SLC24A4: variants seen among roughly 807,000 people sequenced by gnomAD.
SLC24A4 encodes the protein solute carrier family 24 member 4, also known as sodium/potassium/calcium exchanger 4.
A neutral mutation model predicts 79.0 loss-of-function variants in SLC24A4; 53 were observed. The ratio of observed to expected loss-of-function variants is 0.67; its 90% CI spans 0.54 to 0.84. The LOEUF (loss-of-function observed/expected upper bound fraction) is 0.84. SLC24A4 is among the 40% of genes least tolerant of loss of function. The pLI is 0.00. For synonymous variants in SLC24A4, 323 were observed against 323.8 expected, an observed-to-expected ratio of 1.00 and a Z score of 0.03; for missense variants, 731 against 822.0, an observed-to-expected ratio of 0.89 and a Z score of 1.35.
intron 2 of SLC24A4, among the ~76,000 whole-genome samples, chr14:92,400,544 G>A (rs1379450331): frequency 1.3e-5 from 2 of 151,970 alleles, no homozygotes; most frequent in East Asian, 3.9e-4. Context: ...AAGAAGCTCT[G>A]GACACAGTCG....
At chr14:92,393,800 C>T (rs890202599) in intron 2 of SLC24A4, among the ~76,000 whole-genome samples, 1 of 152,124 alleles carries the variant, frequency 6.6e-6, no homozygotes, top group South Asian at 2.1e-4. Context: ...CACCTGAGGT[C>T]AGGGCTTTGA....
chr14:92,486,389 G>A (rs186155739), intron 13 of SLC24A4, among the ~76,000 whole-genome samples: 92 of 152,290 alleles, frequency 6.0e-4, no homozygotes, highest in African/African-American at 2.2e-3. Context: ...ATGGAGTCCA[G>A]GGTAAAGCAG....
intron 2 of SLC24A4, among the ~76,000 whole-genome samples, chr14:92,412,577 G>C (rs779977537): frequency 6.6e-6 from 1 of 152,120 alleles, no homozygotes; most frequent in Non-Finnish European, 1.5e-5. Context: ...CTAATGTCCT[G>C]TCCCCATCTC....
At chr14:92,390,128 C>T (rs1457990653) in intron 2 of SLC24A4, among the ~76,000 whole-genome samples, 1 of 134,400 alleles carries the variant, frequency 7.4e-6, no homozygotes, top group East Asian at 3.4e-4. Context: ...GCTTCCCAGT[C>T]CGGGTCATCC....
intron 14 of SLC24A4, among the ~76,000 whole-genome samples, chr14:92,489,203 C>T (rs1025456369): frequency 1.3e-5 from 2 of 151,848 alleles, no homozygotes; most frequent in African/African-American, 4.8e-5. Flanking sequence ...TTTGGGAGGT[C>T]GAGGTGGGCG....
At chr14:92,386,205 T>C (rs894254828) in intron 2 of SLC24A4, among the ~76,000 whole-genome samples, 2 of 152,068 alleles carry the variant, frequency 1.3e-5, no homozygotes, top group Admixed American at 6.6e-5. Flanking sequence ...AGGGGATGCT[T>C]TGGGAGGGTA....
intron 2 of SLC24A4, among the ~76,000 whole-genome samples, chr14:92,415,200 C>G (rs1426224397): frequency 6.6e-6 from 1 of 152,182 alleles, no homozygotes; most frequent in East Asian, 1.9e-4. Flanking sequence ...TGAGTTGTGT[C>G]ACTCCCTGAT....
At chr14:92,488,046 C>A (rs1039411206) in intron 14 of SLC24A4, among the ~76,000 whole-genome samples, 1 of 150,916 alleles carries the variant, frequency 6.6e-6, no homozygotes, top group African/African-American at 2.4e-5. Flanking sequence ...TTCCTTCCAT[C>A]CTTCTCCTCC....
At chr14:92,456,054 C>T (rs912818001) in intron 11 of SLC24A4, among the ~76,000 whole-genome samples, 3 of 152,206 alleles carry the variant, frequency 2.0e-5, no homozygotes, top group Admixed American at 1.3e-4. Flanking sequence ...ACAAAATGCA[C>T]GCAGGGCCTT....
intron 2 of SLC24A4, among the ~76,000 whole-genome samples, chr14:92,371,596 C>G (rs1888158427): frequency 6.6e-6 from 1 of 152,094 alleles, no homozygotes; most frequent in Non-Finnish European, 1.5e-5. Flanking sequence ...TTATAAAAAC[C>G]CTTACATTTT....
chr14:92,449,922 G>A lies in SLC24A4; in HGVS notation c.880+706G>A, dbSNP rs7152264. 4.8e-3 allele frequency among the ~76,000 whole-genome samples: 733 copies of A among 152,338 alleles called. 4 individuals are homozygous for A. Among genetic ancestry groups the A allele is most frequent in the African/African-American group, 7.9e-3 (329 of 41,588 alleles). On this transcript the variant is annotated intron_variant, in intron 10 of 16. Coordinates refer to ENST00000532405, the MANE Select transcript of SLC24A4 (RefSeq NM_153646.4). ...TTCTCTGAATCATCTGGGCCTGACC[G>A]ATGGCTTCCTTGGAAACCTGAATAA...
Position 92,324,182 on chromosome 14 carries a change from G to A in SLC24A4, c.130+222G>A, listed in dbSNP as rs528008816. On this transcript the variant is annotated intron_variant, in intron 1 of 16. Transcript: ENST00000532405. ...TGAGCTACGAGCGGCCCCTGGGGGGGCTCAGGACGCGGCTGCAGGTGTGTG... is the reference window on the plus strand; with the variant it reads ...TGAGCTACGAGCGGCCCCTGGGGGGACTCAGGACGCGGCTGCAGGTGTGTG... Among the ~76,000 whole-genome samples, 27 of 152,344 alleles carry A rather than the reference G, an allele frequency of 1.8e-4. No homozygotes were observed. The South Asian group carries it at 5.6e-3, about 32-fold the overall frequency.
At chr14:92,438,160 C>G (rs1892280856) in intron 3 of SLC24A4, among the ~76,000 whole-genome samples, 1 of 152,218 alleles carries the variant, frequency 6.6e-6, no homozygotes, top group Non-Finnish European at 1.5e-5. Flanking sequence ...TTGCAAACCT[C>G]AAGTTGTTTT....
chr14:92,339,141 G>C (rs12434665), intron 2 of SLC24A4, among the ~76,000 whole-genome samples: 28,854 of 152,148 alleles, frequency 0.19, 2,863 homozygotes, highest in African/African-American at 0.23. Flanking sequence ...ACCCTATCTG[G>C]TGGTCCCGTC....
rs971283676 is a variant in SLC24A4 at position 92,323,997 on chromosome 14, T to G, written c.130+37T>G. On this transcript the variant is annotated intron_variant, in intron 1 of 16. Transcript: ENST00000532405. The surrounding 1 kb of genome is among the most constrained non-coding windows in gnomAD (Gnocchi z 4.9). ...TACGGGTCCCCTCTTCCTGGGGAGTTGGGGGCTTTGGCTGGGGAGTCTCGG... is the reference window on the plus strand; with the variant it reads ...TACGGGTCCCCTCTTCCTGGGGAGTGGGGGGCTTTGGCTGGGGAGTCTCGG... The G allele has an allele frequency of 2.5e-6, 4 of 1,594,914 alleles. No individual in the cohort carries two copies. Among genetic ancestry groups the G allele is most frequent in the African/African-American group, 1.3e-5 (1 of 74,086 alleles).
chr14:92,351,682 C>T (rs1190672914), intron 2 of SLC24A4, among the ~76,000 whole-genome samples: 1 of 151,730 alleles, frequency 6.6e-6, no homozygotes, highest in African/African-American at 2.4e-5. Flanking sequence ...CATGGTGAAA[C>T]CCCATCTCTA....
chr14:92,397,062 G>A (rs1889818224), intron 2 of SLC24A4, among the ~76,000 whole-genome samples: 1 of 152,124 alleles, frequency 6.6e-6, no homozygotes, highest in Non-Finnish European at 1.5e-5. Context: ...TTATTTCTGG[G>A]TTTTGACTGC....
At chr14:92,439,987 C>G (rs754207153) in intron 4 of SLC24A4, among the ~76,000 whole-genome samples, 2 of 152,262 alleles carry the variant, frequency 1.3e-5, no homozygotes, top group Non-Finnish European at 2.9e-5. Context: ...AAATTGACTT[C>G]CGTTTGCAGC....
At chr14:92,328,446 C>T (rs1053787880) in intron 2 of SLC24A4, among the ~76,000 whole-genome samples, 6 of 152,232 alleles carry the variant, frequency 3.9e-5, no homozygotes, top group East Asian at 3.8e-4. Flanking sequence ...GAGGAGGATG[C>T]GCTGGCCCGG....
Sources: gnomAD v4.1 joint callset for allele counts (sites outside exome capture counted in the v4.1 genomes callset) on GRCh38, gnomAD v4.1.1 for gene constraint, Gnocchi (gnomAD v3.1) non-coding constraint, MANE v1.5 for transcripts, NCBI Gene and HGNC (gene_info 2026-07-23, HGNC 2026-07-21) for gene names.